The following TAGLN2 variants were observed in gnomAD, a reference collection of about 807,000 sequenced individuals.
TAGLN2 encodes the protein transgelin-2.
A neutral mutation model predicts 24.9 loss-of-function variants in TAGLN2; 14 were observed. That is an observed-to-expected ratio of 0.56 (90% CI 0.37 to 0.88). The LOEUF (loss-of-function observed/expected upper bound fraction) is 0.88. TAGLN2 is among the 40% of genes least tolerant of loss of function. The pLI is 0.00. For synonymous variants in TAGLN2, 77 were observed against 98.2 expected (o/e 0.78, Z 1.28); for missense variants, 208 against 258.9 (o/e 0.80, Z 1.35).
intron 3 of TAGLN2, 102 bp downstream of exon 3, chr1:159,919,559 T>A (rs1179500800): frequency 1.4e-6 from 2 of 1,461,856 alleles, no homozygotes; most frequent in Non-Finnish European, 1.9e-6. Context: ...CCCCTCTTTC[T>A]CTGCAGGGAG....
chr1:159,919,571 C>A (rs1480456234), intron 3 of TAGLN2, 90 bp downstream of exon 3: 2 of 1,516,640 alleles, frequency 1.3e-6, no homozygotes, highest in African/African-American at 1.4e-5. Flanking sequence ...TGCAGGGAGC[C>A]AGAAAACAGC....
intron 1 of TAGLN2, among the ~76,000 whole-genome samples, chr1:159,921,037 G>A (rs1650515750): frequency 1.3e-5 from 2 of 152,168 alleles, no homozygotes; most frequent in South Asian, 4.1e-4. Context: ...AAGCAGCCTG[G>A]GAAGGCTTTC....
chr1:159,919,555 T>C (rs183712376), intron 3 of TAGLN2, 106 bp downstream of exon 3: 2 of 1,448,838 alleles, frequency 1.4e-6, no homozygotes, highest in Admixed American at 1.8e-5. Context: ...CACACCCCTC[T>C]TTCTCTGCAG....
At position 159,919,787 on chromosome 1, in the gene TAGLN2, C is replaced by T. The variant is rs773092758; in HGVS notation, c.229G>A (p.Val77Ile). Residue 77 changes from valine to isoleucine, a missense_variant, in exon 3 of 5, where the codon GTA (valine) becomes ATA (isoleucine). Physicochemically the swap from Val to Ile is conservative, Grantham distance 29 (BLOSUM62 3). Transcript: ENST00000368097. ...ATGGTGGAGGCCTGGATCTTCTTTA[C>T]TGGGGCCTGCCCCTCGGGGTACAGT... ...NALYPEGQAP[V>I]KKIQASTMAF... The T allele has an allele frequency of 1.9e-6, 3 of 1,614,034 alleles. No homozygotes were observed. The highest frequency in any genetic ancestry group is 2.2e-5 in the South Asian group (2 of 91,082).
At chr1:159,923,355 C>T in intron 1 of TAGLN2, 3 of 1,489,408 alleles carry the variant, frequency 2.0e-6, no homozygotes, top group Non-Finnish European at 2.7e-6. Flanking sequence ...TCACCCTCAC[C>T]CTGGAGTTAC....
intron 4 of TAGLN2, 30 bp downstream of exon 4, chr1:159,919,244 G>A: frequency 1.9e-6 from 3 of 1,595,570 alleles, no homozygotes; most frequent in Non-Finnish European, 2.6e-6. Context: ...TGCACCTGCT[G>A]GACCCTGCGG....
At chr1:159,924,632 A>C (rs1196156613) in intron 1 of TAGLN2, 1 of 151,374 alleles carries the variant, frequency 6.6e-6, no homozygotes, top group East Asian at 2.0e-4. Flanking sequence ...GGGCCGTTAC[A>C]ACAGATGAGT....
chr1:159,920,503 T>A lies in TAGLN2; in HGVS notation c.7A>T (p.Asn3Tyr). ...CTCAGGCCATATGCAGGTCCCCTGT[T>A]GGCCATTCCAATGGGTGGCGGTGGC... MA[N>Y]RGPAYGLSRE... Residue 3 changes from asparagine (N) to tyrosine (Y), a missense_variant, in exon 2 of 5, where the codon AAC (asparagine) becomes TAC (tyrosine). Physicochemically the swap from Asn to Tyr is moderately radical, Grantham distance 143. Coordinates refer to ENST00000368097, the MANE Select transcript of TAGLN2 (RefSeq NM_003564.3). The A allele has an allele frequency of 6.2e-7, 1 of 1,614,150 alleles. No individual in the cohort carries two copies. Among genetic ancestry groups the A allele is most frequent in the Non-Finnish European group, 8.5e-7 (1 of 1,179,960 alleles).
chr1:159,922,237 C>T (rs138969643), intron 1 of TAGLN2, among the ~76,000 whole-genome samples: 84 of 152,364 alleles, frequency 5.5e-4, no homozygotes, highest in African/African-American at 1.8e-3. Flanking sequence ...GCCAGTCCCT[C>T]CCGTCCCGAC....
In TAGLN2 at chr1:159,918,716, T is replaced by C; in HGVS notation, c.*84A>G. The C allele has an allele frequency of 6.5e-7, 1 of 1,534,366 alleles. No individual in the cohort carries two copies. Among genetic ancestry groups the C allele is most frequent in the South Asian group, 1.3e-5 (1 of 79,644 alleles). ...GAAAGGAGCTTGAGAGCTCTGGGGC[T>C]CTCTGGGAATGTCACTGCTAAAATA... is the stretch of plus-strand genomic sequence containing the variant. On this transcript the variant is annotated 3_prime_UTR_variant, in exon 5 of 5. Transcript: ENST00000368097.
At chr1:159,920,240 T>C in intron 2 of TAGLN2, 90 bp downstream of exon 2, 3 of 1,600,278 alleles carry the variant, frequency 1.9e-6, no homozygotes, top group Non-Finnish European at 2.6e-6. Context: ...GTGCCTTCAG[T>C]CTTCTCCTCT....
intron 2 of TAGLN2, 59 bp from the exon 3 acceptor site, chr1:159,919,894 G>A (rs762673689): frequency 6.4e-5 from 100 of 1,574,476 alleles, no homozygotes; most frequent in Non-Finnish European, 7.0e-5. Context: ...GCAGCTCAGC[G>A]TGCACCACCC....
chr1:159,923,696 G>GA, intron 1 of TAGLN2: 1 of 433,884 alleles, frequency 2.3e-6, no homozygotes, highest in Non-Finnish European at 4.1e-6. Flanking sequence ...GGGAACCACC[G>GA]TAGGGCAGCC....
chr1:159,919,462 C>T, intron 3 of TAGLN2, 86 bp from the exon 4 acceptor site: 1 of 1,453,978 alleles, frequency 6.9e-7, no homozygotes, highest in African/African-American at 1.4e-5. Flanking sequence ...GCAGGCCTGG[C>T]TTCCTAATTA....
intron 4 of TAGLN2, 91 bp from the exon 5 acceptor site, chr1:159,919,032 C>T: frequency 1.3e-6 from 2 of 1,568,778 alleles, no homozygotes; most frequent in Non-Finnish European, 1.7e-6. Flanking sequence ...GCTGTTGGCT[C>T]AAGGGCTGGT....
At chr1:159,924,634 C>G (rs1337624826) in intron 1 of TAGLN2, 1 of 152,058 alleles carries the variant, frequency 6.6e-6, no homozygotes, top group Admixed American at 6.5e-5. Context: ...GCCGTTACAA[C>G]AGATGAGTCA....
At chr1:159,923,580 A>T in intron 1 of TAGLN2, 1 of 1,198,360 alleles carries the variant, frequency 8.3e-7, no homozygotes, top group Non-Finnish European at 1.2e-6. Context: ...TTCCCAACTC[A>T]GATTTGGGAC....
chr1:159,919,197 T>G, intron 4 of TAGLN2, 77 bp downstream of exon 4: 3 of 1,445,950 alleles, frequency 2.1e-6, no homozygotes, highest in Non-Finnish European at 2.9e-6. Flanking sequence ...GCTACTGAGA[T>G]AAGTTATTTC....
At position 159,919,384 on chromosome 1, in the gene TAGLN2, G is replaced by T; in HGVS notation, c.356-8C>A. 1 of 1,613,848 alleles carries T rather than the reference G, an allele frequency of 6.2e-7. No homozygotes were observed. The highest frequency in any genetic ancestry group is 1.1e-5 in the South Asian group (1 of 91,066). On this transcript the variant is annotated splice_polypyrimidine_tract_variant and splice_region_variant and intron_variant, in intron 3 of 4. Coordinates refer to ENST00000368097, the MANE Select transcript of TAGLN2 (RefSeq NM_003564.3). ...CACAGGCCATGTTCTTTCCTGGGAA[G>T]GAGAATGGGAATGTGTCAGCCTCCG...
Sources: allele counts gnomAD v4.1 joint callset (sites outside exome capture counted in the v4.1 genomes callset), GRCh38; gene constraint gnomAD v4.1.1; transcripts MANE v1.5; gene names NCBI Gene and HGNC (gene_info 2026-07-23, HGNC 2026-07-21).